KCND2: variants seen among roughly 807,000 people sequenced by gnomAD.
KCND2 encodes A-type voltage-gated potassium channel KCND2.
Under a neutral mutation model 54.4 loss-of-function variants are expected in KCND2, and 16 were observed. The observed-to-expected ratio is 0.29, with a 90% CI of 0.20 to 0.45. The LOEUF (loss-of-function observed/expected upper bound fraction) is 0.45. Among genes scored for constraint, KCND2 ranks in the 20% least tolerant of loss-of-function variants. The pLI is 1.00. For missense variants in KCND2, 486 were observed against 824.2 expected (o/e 0.59, Z 5.02); for synonymous variants, 317 against 310.7 (o/e 1.02, Z -0.21).
intron 1 of KCND2, among the ~76,000 whole-genome samples, chr7:120,388,392 T>C (rs968538935): frequency 3.3e-4 from 50 of 152,142 alleles, no homozygotes; most frequent in Middle Eastern, 3.4e-3. Context: ...AGCAACAGCA[T>C]GGGGTATTGT....
intron 1 of KCND2, among the ~76,000 whole-genome samples, chr7:120,442,824 A>T (rs1801962667): frequency 6.6e-6 from 1 of 152,138 alleles, no homozygotes; most frequent in Non-Finnish European, 1.5e-5. Flanking sequence ...TTTAAAGCAA[A>T]CAGGAAGGAA....
At chr7:120,400,324 CT>C (rs1801231649) in intron 1 of KCND2, among the ~76,000 whole-genome samples, 1 of 152,188 alleles carries the variant, frequency 6.6e-6, no homozygotes, top group East Asian at 1.9e-4. Flanking sequence ...TATTTTATGA[CT>C]TTTTTTCACT....
chr7:120,706,062 G>T (rs926158014), intron 1 of KCND2, among the ~76,000 whole-genome samples: 1 of 152,042 alleles, frequency 6.6e-6, no homozygotes, highest in Non-Finnish European at 1.5e-5. Flanking sequence ...ATTTCATAGG[G>T]TTAGACTGTA....
chr7:120,378,495 G>T (rs538811101), intron 1 of KCND2, among the ~76,000 whole-genome samples: 1 of 152,002 alleles, frequency 6.6e-6, no homozygotes, highest in East Asian at 1.9e-4. Context: ...TTTAGTGGCC[G>T]CTGTATTTTC....
chr7:120,587,894 T>G (rs186961208), intron 1 of KCND2, among the ~76,000 whole-genome samples: 63 of 152,316 alleles, frequency 4.1e-4, no homozygotes, highest in African/African-American at 1.5e-3. Flanking sequence ...CTACAGGTTT[T>G]GTGGTAGACC....
At chr7:120,495,084 A>T (rs1802831118) in intron 1 of KCND2, among the ~76,000 whole-genome samples, 1 of 152,200 alleles carries the variant, frequency 6.6e-6, no homozygotes. Flanking sequence ...ATAAACCTGG[A>T]TGCTTTGGAA....
intron 1 of KCND2, among the ~76,000 whole-genome samples, chr7:120,703,223 A>T (rs17142902): frequency 0.19 from 28,198 of 152,068 alleles, 3,096 homozygotes; most frequent in African/African-American, 0.3. Flanking sequence ...ATACCCTGCA[A>T]CCAATTCCCT....
At chr7:120,620,690 T>A (rs759417021) in intron 1 of KCND2, among the ~76,000 whole-genome samples, 7 of 152,120 alleles carry the variant, frequency 4.6e-5, no homozygotes, top group South Asian at 2.1e-4. Context: ...CAAATAAGTG[T>A]GATGATACTA....
intron 1 of KCND2, among the ~76,000 whole-genome samples, chr7:120,534,888 AT>A (rs1416463026): frequency 4.6e-5 from 7 of 152,154 alleles, no homozygotes; most frequent in African/African-American, 1.7e-4. Flanking sequence ...AAAAGAAATA[AT>A]TTTGACATTT....
chr7:120,698,649 G>A (rs933242712), intron 1 of KCND2, among the ~76,000 whole-genome samples: 1 of 152,190 alleles, frequency 6.6e-6, no homozygotes, highest in Admixed American at 6.5e-5. Context: ...AATATTTGAT[G>A]AGTACCTACT....
At chr7:120,554,279 T>G (rs373102894) in intron 1 of KCND2, among the ~76,000 whole-genome samples, 1 of 152,318 alleles carries the variant, frequency 6.6e-6, no homozygotes. Flanking sequence ...ATTTCAAGTA[T>G]AGGTTAGAGC....
chr7:120,625,435 G>A (rs1431740803), intron 1 of KCND2, among the ~76,000 whole-genome samples: 1 of 152,010 alleles, frequency 6.6e-6, no homozygotes, highest in Non-Finnish European at 1.5e-5. Flanking sequence ...ATGTATTTTA[G>A]AACTTCATTA....
intron 2 of KCND2, among the ~76,000 whole-genome samples, chr7:120,735,457 A>G (rs1239156465): frequency 6.6e-5 from 10 of 152,130 alleles, no homozygotes; most frequent in African/African-American, 2.4e-4. Flanking sequence ...ATAAGAGCCA[A>G]CTGTATGAAA....
At chr7:120,605,025 T>A (rs1792863839) in intron 1 of KCND2, among the ~76,000 whole-genome samples, 1 of 152,214 alleles carries the variant, frequency 6.6e-6, no homozygotes, top group South Asian at 2.1e-4. Flanking sequence ...ATTATTACTA[T>A]TAATTAATAA....
rs376349004 is a variant in KCND2 at position 120,546,002 on chromosome 7, G to A, written c.1116-186901G>A. Among the ~76,000 whole-genome samples the A allele has an allele frequency of 4.6e-5, 7 of 151,928 alleles. 1 individual carries two copies. Among genetic ancestry groups the A allele is most frequent in the Admixed American group, 6.6e-5 (1 of 15,246 alleles). On this transcript the variant is annotated intron_variant, in intron 1 of 5. Coordinates refer to ENST00000331113, the MANE Select transcript of KCND2 (RefSeq NM_012281.3). ...TGCTTAAACAAGAAATAAAATGATG[G>A]TGTATAAGGAGAGATTGCTCAAGAA...
intron 1 of KCND2, among the ~76,000 whole-genome samples, chr7:120,687,233 A>T (rs886795790): frequency 6.6e-6 from 1 of 152,132 alleles, no homozygotes. Context: ...CTGCTTCTAT[A>T]AGTTTGACTG....
In KCND2 at chr7:120,374,296, C is replaced by T. The variant is rs183468956; in HGVS notation, c.1115+98549C>T. Among the ~76,000 whole-genome samples, 161 of 151,500 alleles carry T rather than the reference C, an allele frequency of 1.1e-3. 2 individuals carry two copies. In the Middle Eastern group the frequency reaches 0.031, roughly 29 times the overall value. On this transcript the variant is annotated intron_variant, in intron 1 of 5. Transcript: ENST00000331113. ...TTACCTCATAGTAGATATTCAAGTCCGAAAGTTATGGATTTGTAACCACTC... is the reference window on the plus strand; with the variant it reads ...TTACCTCATAGTAGATATTCAAGTCTGAAAGTTATGGATTTGTAACCACTC...
intron 1 of KCND2, among the ~76,000 whole-genome samples, chr7:120,727,254 A>G (rs1203000908): frequency 2.6e-5 from 4 of 152,248 alleles, no homozygotes; most frequent in African/African-American, 9.6e-5. Context: ...CAGCCACATC[A>G]TGCAACTTCT....
chr7:120,637,525 C>T (rs1050943472), intron 1 of KCND2, among the ~76,000 whole-genome samples: 9 of 152,018 alleles, frequency 5.9e-5, no homozygotes, highest in Non-Finnish European at 1.3e-4. Flanking sequence ...CAGTGTAATT[C>T]TTTCATTGAC....
Sources: allele counts gnomAD v4.1 joint callset (sites outside exome capture counted in the v4.1 genomes callset), GRCh38; gene constraint gnomAD v4.1.1; transcripts MANE v1.5; gene names NCBI Gene and HGNC (gene_info 2026-07-23, HGNC 2026-07-21).